PLXNC1: variants seen among roughly 807,000 people sequenced by gnomAD.
PLXNC1 encodes plexin-C1.
A neutral mutation model predicts 178.2 loss-of-function variants in PLXNC1; 75 were observed. The observed-to-expected ratio is 0.42, with a 90% CI of 0.35 to 0.51. The LOEUF is 0.51. Among genes scored for constraint, PLXNC1 ranks in the 20% least tolerant of loss-of-function variants. The probability of loss-of-function intolerance (pLI) is 0.02; values close to 1 mark genes in which losing one functional copy is unlikely to be tolerated. For missense variants in PLXNC1, 1,503 were observed against 1,984.4 expected (o/e 0.76, Z 4.61); for synonymous variants, 790 against 779.9 (o/e 1.01, Z -0.22).
chr12:94,288,428 G>A (rs1405939181), intron 23 of PLXNC1, among the ~76,000 whole-genome samples: 1 of 152,172 alleles, frequency 6.6e-6, no homozygotes, highest in East Asian at 1.9e-4. Context: ...TCCCTCAGGA[G>A]GAAGACAGTC....
chr12:94,171,765 G>C (rs1961854002), intron 2 of PLXNC1, among the ~76,000 whole-genome samples: 1 of 152,164 alleles, frequency 6.6e-6, no homozygotes, highest in Non-Finnish European at 1.5e-5. Context: ...TTGAGAATAA[G>C]GCGGACCATC....
At chr12:94,219,923 G>A in intron 5 of PLXNC1, 93 bp from the exon 6 acceptor site, 1 of 1,120,746 alleles carries the variant, frequency 8.9e-7, no homozygotes, top group Non-Finnish European at 1.3e-6. Context: ...TCTCCCTCCT[G>A]TGGCAGGTCA....
intron 28 of PLXNC1, 152 bp downstream of exon 28, chr12:94,301,209 ATC>A (rs1968429114): frequency 1.8e-6 from 1 of 548,480 alleles, no homozygotes; most frequent in Non-Finnish European, 3.0e-6. Context: ...GTTATTTAAA[ATC>A]TGTCTCATTA....
chr12:94,246,892 G>A (rs1220819553), intron 12 of PLXNC1, among the ~76,000 whole-genome samples: 1 of 151,730 alleles, frequency 6.6e-6, no homozygotes, highest in Non-Finnish European at 1.5e-5. Context: ...AGTATCAGGG[G>A]GTGGCGGGGG....
rs1964934217 is a variant in PLXNC1, at chr12:94,259,320, T to C, written c.3088-17T>C. ...CTTTGGATGTTATGAATAATAAAAG[T>C]GTCTCCTTCCTCTCAGTCAGGTGGC... On this transcript the variant is annotated splice_polypyrimidine_tract_variant and intron_variant, in intron 17 of 30. Transcript: ENST00000258526. 1 of 1,570,746 alleles carries C rather than the reference T, an allele frequency of 6.4e-7. No individual in the cohort carries two copies. Among genetic ancestry groups the C allele is most frequent in the African/African-American group, 1.4e-5 (1 of 73,400 alleles).
intron 2 of PLXNC1, among the ~76,000 whole-genome samples, chr12:94,177,135 A>G (rs1162238348): frequency 1.3e-5 from 1 of 75,350 alleles, no homozygotes; most frequent in Non-Finnish European, 2.6e-5. Flanking sequence ...GTGTGTATAT[A>G]TATGTGTGTG....
In PLXNC1 at chr12:94,149,895, A is replaced by G. The variant is rs894409742; in HGVS notation, c.924A>G (p.Gly308=). 3 of 1,588,818 alleles carry G rather than the reference A, an allele frequency of 1.9e-6. No individual in the cohort carries two copies. The African/African-American group carries it at 4.0e-5, about 21-fold the overall frequency. Residue 308 remains glycine, a synonymous_variant, in exon 1 of 31, where the codon GGA becomes GGG. Coordinates refer to ENST00000258526, the MANE Select transcript of PLXNC1 (RefSeq NM_005761.3). ...TGGAGGCCCTGGACGTCTGGGCGGG[A>G]GTGTTCAGCGCGGCCGCTGGAGAGG... ...SLVEALDVWA[G]VFSAAAGEGQ...
chr12:94,301,089 A>G (rs753280913), intron 28 of PLXNC1, 32 bp downstream of exon 28: 1 of 1,600,276 alleles, frequency 6.2e-7, no homozygotes, highest in Non-Finnish European at 8.6e-7. Context: ...TCTTGTATGC[A>G]GTCTTATGAG....
intron 1 of PLXNC1, among the ~76,000 whole-genome samples, chr12:94,164,564 G>A (rs1961519616): frequency 6.6e-6 from 1 of 152,154 alleles, no homozygotes; most frequent in Non-Finnish European, 1.5e-5. Context: ...CAGTTGTGCA[G>A]GGCACAATGG....
At chr12:94,259,783 G>T (rs767041021) in intron 19 of PLXNC1, 49 bp downstream of exon 19, 22 of 1,528,486 alleles carry the variant, frequency 1.4e-5, no homozygotes, top group Non-Finnish European at 1.5e-5. Context: ...AAAAAATCAG[G>T]CCGGGCATGG....
intron 5 of PLXNC1, 118 bp from the exon 6 acceptor site, chr12:94,219,898 G>T: frequency 1.4e-6 from 1 of 705,090 alleles, no homozygotes; most frequent in Non-Finnish European, 2.3e-6. Flanking sequence ...CTTTACATCA[G>T]CTCTTCTGAG....
At chr12:94,163,716 G>C (rs888087579) in intron 1 of PLXNC1, among the ~76,000 whole-genome samples, 5 of 152,150 alleles carry the variant, frequency 3.3e-5, no homozygotes, top group African/African-American at 2.4e-5. Flanking sequence ...AGGCTGCCCA[G>C]CTGTGTCCCT....
At chr12:94,297,767 C>A (rs1037708703) in intron 26 of PLXNC1, among the ~76,000 whole-genome samples, 1 of 152,134 alleles carries the variant, frequency 6.6e-6, no homozygotes, top group Non-Finnish European at 1.5e-5. Context: ...ATAAAACTCC[C>A]TTTTTGAATT....
chr12:94,214,138 G>A (rs1446729267), intron 5 of PLXNC1, among the ~76,000 whole-genome samples: 1 of 151,068 alleles, frequency 6.6e-6, no homozygotes, highest in Admixed American at 6.6e-5. Flanking sequence ...AGGCTGGAGT[G>A]CAGAGACGTG....
At chr12:94,237,948 T>A (rs1194693186) in intron 10 of PLXNC1, 145 bp downstream of exon 10, 1 of 700,556 alleles carries the variant, frequency 1.4e-6, no homozygotes, top group African/African-American at 1.8e-5. Flanking sequence ...TTTGACATAA[T>A]ATAATTCCAA....
At chr12:94,244,396 G>A (rs555500394) in intron 12 of PLXNC1, among the ~76,000 whole-genome samples, 1 of 152,354 alleles carries the variant, frequency 6.6e-6, no homozygotes, top group Admixed American at 6.5e-5. Context: ...AGGTGGTATT[G>A]TTCCCATTGC....
intron 4 of PLXNC1, among the ~76,000 whole-genome samples, chr12:94,202,415 G>A (rs1414758142): frequency 6.6e-6 from 1 of 152,200 alleles, no homozygotes; most frequent in African/African-American, 2.4e-5. Flanking sequence ...GAATAAGGTG[G>A]GCCTTTCCCT....
intron 5 of PLXNC1, among the ~76,000 whole-genome samples, chr12:94,216,928 C>G (rs1341751767): frequency 3.3e-5 from 5 of 152,162 alleles, no homozygotes. Context: ...GGTAAGGAGT[C>G]CTATACTGGG....
intron 14 of PLXNC1, among the ~76,000 whole-genome samples, chr12:94,248,865 T>A (rs1402520616): frequency 6.6e-6 from 1 of 152,200 alleles, no homozygotes; most frequent in Non-Finnish European, 1.5e-5. Context: ...CATGGGCTGC[T>A]TCCTTCACCA....
Sources: allele counts gnomAD v4.1 joint callset (sites outside exome capture counted in the v4.1 genomes callset), GRCh38; gene constraint gnomAD v4.1.1; transcripts MANE v1.5; gene names NCBI Gene and HGNC (gene_info 2026-07-23, HGNC 2026-07-21).